Variants in ARID4A observed in about 807,000 individuals in gnomAD.
The protein encoded by ARID4A is AT-rich interactive domain-containing protein 4A.
Under a neutral mutation model 148.6 loss-of-function variants are expected in ARID4A, and 39 were observed. That is an observed-to-expected ratio of 0.26 (90% CI 0.20 to 0.34). The LOEUF is 0.34. Ranked by LOEUF, ARID4A falls within the 10% of genes least tolerant of loss-of-function variation. The pLI, the probability that ARID4A is intolerant of heterozygous loss-of-function variation, is 1.00. For synonymous variants in ARID4A, 475 were observed against 481.2 expected (o/e 0.99, Z 0.17); for missense variants, 1,265 against 1,449.1 (o/e 0.87, Z 2.06).
At chr14:58,343,885 A>T (rs1003618282) in intron 11 of ARID4A, among the ~76,000 whole-genome samples, 2 of 152,026 alleles carry the variant, frequency 1.3e-5, no homozygotes, top group East Asian at 3.9e-4. Context: ...GGAGAGTAAT[A>T]CTCTAAGTTA....
intron 3 of ARID4A, among the ~76,000 whole-genome samples, chr14:58,304,161 C>T (rs192747385): frequency 6.6e-6 from 1 of 151,738 alleles, no homozygotes; most frequent in Admixed American, 6.6e-5. Flanking sequence ...TTTCAGTTTT[C>T]TTGATGAACC....
chr14:58,350,617 TACTA>T (rs939520238), intron 15 of ARID4A, among the ~76,000 whole-genome samples: 19 of 152,206 alleles, frequency 1.2e-4, no homozygotes, highest in African/African-American at 4.6e-4. Flanking sequence ...AATTTTGTCT[TACTA>T]ACGGTAGAAT....
intron 5 of ARID4A, among the ~76,000 whole-genome samples, chr14:58,316,671 G>T (rs1367253344): frequency 6.6e-6 from 1 of 151,978 alleles, no homozygotes; most frequent in Non-Finnish European, 1.5e-5. Flanking sequence ...ACCTCTGCCT[G>T]CCGGGTTCAA....
At chr14:58,331,465 T>G (rs552365862) in intron 11 of ARID4A, 2 of 152,318 alleles carry the variant, frequency 1.3e-5, no homozygotes, top group African/African-American at 4.8e-5. Context: ...CTGTACTGAT[T>G]AAGTAGAAGG....
chr14:58,351,202 A>C lies in ARID4A; in HGVS notation c.1534A>C (p.Lys512Gln), dbSNP rs747062017. ...DVDDDYETAEKKENELLLGRK... is the reference protein window; with the variant it reads ...DVDDDYETAEQKENELLLGRK... ...AGATGATGACTATGAAACTGCAGAG[A>C]AAAAAGAAAATGAGCTACTACTGGG... Residue 512 changes from lysine (K) to glutamine (Q), a missense_variant, in exon 16 of 24, where the codon AAA becomes CAA. Physicochemically the swap from Lys to Gln is moderately conservative, Grantham distance 53. Coordinates refer to ENST00000355431, the MANE Select transcript of ARID4A (RefSeq NM_002892.4). 1.2e-6 allele frequency: 2 copies of C among 1,613,148 alleles called. No individual in the cohort carries two copies. Among genetic ancestry groups the C allele is most frequent in the South Asian group, 2.2e-5 (2 of 90,650 alleles).
intron 11 of ARID4A, among the ~76,000 whole-genome samples, chr14:58,337,239 TC>T (rs1342644653): frequency 4.0e-5 from 5 of 123,708 alleles, no homozygotes; most frequent in African/African-American, 1.3e-4. Context: ...TAGAACCTTC[TC>T]TTTATTTATA....
intron 5 of ARID4A, among the ~76,000 whole-genome samples, chr14:58,317,624 CTTTTTTT>C (rs71107933): frequency 2.9e-5 from 2 of 69,888 alleles, no homozygotes; most frequent in South Asian, 6.1e-4. Flanking sequence ...TTATATTTGT[CTTTTTTT>C]TTTTTTTTTT....
At chr14:58,357,349 G>C (rs2034922911) in intron 17 of ARID4A, among the ~76,000 whole-genome samples, 1 of 152,194 alleles carries the variant, frequency 6.6e-6, no homozygotes, top group African/African-American at 2.4e-5. Context: ...AGGAGCATCT[G>C]TATAGGTAGT....
chr14:58,372,113 C>T lies in ARID4A; in HGVS notation c.*124C>T. 2 of 670,408 alleles carry T rather than the reference C, an allele frequency of 3.0e-6. No individual in the cohort carries two copies. Among genetic ancestry groups the T allele is most frequent in the Non-Finnish European group, 5.2e-6 (2 of 387,910 alleles). 41.5% of individuals were successfully genotyped at this position (670,408 alleles called of 1,614,324 possible). ...GCTAAGTATATCCTGTATACTTTTCCAGGCTGGATTGTATCTATTCCCCTC... is the reference window on the plus strand; with the variant it reads ...GCTAAGTATATCCTGTATACTTTTCTAGGCTGGATTGTATCTATTCCCCTC... On this transcript the variant is annotated 3_prime_UTR_variant, in exon 24 of 24. Coordinates refer to ENST00000355431, the MANE Select transcript of ARID4A (RefSeq NM_002892.4).
chr14:58,363,272 T>TTTTAGATCC (rs1463287848), intron 19 of ARID4A, among the ~76,000 whole-genome samples: 2 of 152,258 alleles, frequency 1.3e-5, no homozygotes, highest in Non-Finnish European at 2.9e-5. Flanking sequence ...TTTTTATATT[T>TTTTAGATCC]TTTAGATCCT....
In ARID4A at chr14:58,322,963, C is replaced by CAAAAAA. The variant is rs386381476; in HGVS notation, c.450-509_450-504dup. Reference sequence around the variant, plus strand: ...GGGTGACAAAGCGAGACTCCATTTCCAAAAAAAAAAAAAAAAAATATATAT... The same window carrying CAAAAAA: ...GGGTGACAAAGCGAGACTCCATTTCCAAAAAAAAAAAAAAAAAAAAAAAATATATAT... On this transcript the variant is annotated intron_variant, in intron 7 of 23. Transcript: ENST00000355431. Among the ~76,000 whole-genome samples the CAAAAAA allele has an allele frequency of 6.3e-3, 265 of 42,104 alleles. 17 individuals carry two copies. Among genetic ancestry groups the CAAAAAA allele is most frequent in the South Asian group, 9.9e-3 (11 of 1,106 alleles). 27.6% of individuals were successfully genotyped at this position (42,104 alleles called of 152,430 possible).
intron 18 of ARID4A, among the ~76,000 whole-genome samples, chr14:58,359,841 C>T (rs1329283089): frequency 2.6e-5 from 4 of 151,964 alleles, no homozygotes; most frequent in South Asian, 2.1e-4. Context: ...CTGAGGCGGG[C>T]GGATCACGAG....
intron 11 of ARID4A, among the ~76,000 whole-genome samples, chr14:58,332,168 TA>T (rs1422915759): frequency 1.3e-5 from 2 of 152,118 alleles, no homozygotes; most frequent in Non-Finnish European, 2.9e-5. Context: ...TACGTTAGTA[TA>T]AAAGAATGAA....
rs545318449 is a variant in ARID4A, at chr14:58,323,896, C to CTT, written c.582+304_582+305dup. Among the ~76,000 whole-genome samples the CTT allele has an allele frequency of 4.8e-3, 504 of 104,220 alleles. 70 individuals carry two copies. The highest frequency in any genetic ancestry group is 8.6e-3 in the Non-Finnish European group (420 of 49,086). The allele number at this position is 104,220 out of a possible 152,430, so 68.4% of individuals were successfully genotyped here. On this transcript the variant is annotated intron_variant, in intron 8 of 23. Coordinates refer to ENST00000355431, the MANE Select transcript of ARID4A (RefSeq NM_002892.4). ...CTCTATTCCCATTACCTTAGGTTCC[C>CTT]TTTTTTTTTTTTTTTTTTTTTTTTT...
chr14:58,366,447 T>C (rs1302841118), intron 22 of ARID4A, among the ~76,000 whole-genome samples: 1 of 152,214 alleles, frequency 6.6e-6, no homozygotes, highest in East Asian at 1.9e-4. Flanking sequence ...CAGGAAGGTC[T>C]CCATTAAGAA....
chr14:58,324,307 A>G (rs1305935651), intron 8 of ARID4A, among the ~76,000 whole-genome samples: 5 of 150,330 alleles, frequency 3.3e-5, no homozygotes, highest in Admixed American at 1.3e-4. Context: ...ACAGGGTCTC[A>G]CTCTGTTTCC....
At chr14:58,302,007 A>G (rs1190255495) in intron 3 of ARID4A, among the ~76,000 whole-genome samples, 1 of 152,180 alleles carries the variant, frequency 6.6e-6, no homozygotes, top group African/African-American at 2.4e-5. Flanking sequence ...AGTGTTTAGG[A>G]CAATACAAAT....
chr14:58,298,906 C>T (rs1301200382), intron 1 of ARID4A, among the ~76,000 whole-genome samples: 1 of 152,182 alleles, frequency 6.6e-6, no homozygotes, highest in Non-Finnish European at 1.5e-5. Flanking sequence ...TTGCAGCCGC[C>T]TCCTCGTCCG....
chr14:58,337,246 T>TATA (rs1555361738), intron 11 of ARID4A, among the ~76,000 whole-genome samples: 27 of 83,806 alleles, frequency 3.2e-4, no homozygotes, highest in African/African-American at 1.0e-3. Flanking sequence ...TTCTCTTTAT[T>TATA]TATATATATA....
Sources: allele counts gnomAD v4.1 joint callset (sites outside exome capture counted in the v4.1 genomes callset), GRCh38; gene constraint gnomAD v4.1.1; transcripts MANE v1.5; gene names NCBI Gene and HGNC (gene_info 2026-07-23, HGNC 2026-07-21).